Variants in MBNL1 observed in about 807,000 individuals in gnomAD.
The protein encoded by MBNL1 is muscleblind-like protein 1.
MBNL1 carries 8 observed loss-of-function variants against 42.2 expected under a neutral mutation model. The ratio of observed to expected loss-of-function variants is 0.19; its 90% CI spans 0.11 to 0.34. The LOEUF is 0.34. Among genes scored for constraint, MBNL1 ranks in the 10% least tolerant of loss-of-function variants. The pLI is 1.00. For synonymous variants in MBNL1, 169 were observed against 173.9 expected (o/e 0.97, Z 0.22); for missense variants, 309 against 495.3 (o/e 0.62, Z 3.57).
chr3:152,320,285 C>T (rs887297344), intron 2 of MBNL1, among the ~76,000 whole-genome samples: 11 of 152,222 alleles, frequency 7.2e-5, no homozygotes, highest in Admixed American at 6.5e-5. Context: ...TGTTTCTCTG[C>T]GGAGTCCAGC....
intron 2 of MBNL1, among the ~76,000 whole-genome samples, chr3:152,381,380 A>G (rs996228351): frequency 1.1e-4 from 17 of 152,036 alleles, no homozygotes; most frequent in Admixed American, 5.2e-4. Context: ...ACAAACAAAC[A>G]AACAAAAAAA....
intron 2 of MBNL1, among the ~76,000 whole-genome samples, chr3:152,385,446 A>C (rs2097370745): frequency 2.0e-5 from 3 of 152,048 alleles, no homozygotes; most frequent in Admixed American, 6.6e-5. Context: ...TAGACATTAG[A>C]TGTTAAAATC....
chr3:152,322,065 GTTT>G (rs35577420), intron 2 of MBNL1, among the ~76,000 whole-genome samples: 2 of 151,728 alleles, frequency 1.3e-5, no homozygotes, highest in Non-Finnish European at 2.9e-5. Context: ...TGAAAACAGA[GTTT>G]TTTTAACCAT....
At chr3:152,344,733 TAGAG>T (rs966492041) in intron 2 of MBNL1, among the ~76,000 whole-genome samples, 1 of 152,148 alleles carries the variant, frequency 6.6e-6, no homozygotes, top group African/African-American at 2.4e-5. Context: ...ATATTAAATG[TAGAG>T]AGAAATTATC....
At chr3:152,248,891 G>C (rs2033841915) in intron 2 of MBNL1, among the ~76,000 whole-genome samples, 1 of 151,824 alleles carries the variant, frequency 6.6e-6, no homozygotes, top group African/African-American at 2.4e-5. Flanking sequence ...TCTTGCGATA[G>C]TTTACTGAGA....
intron 2 of MBNL1, among the ~76,000 whole-genome samples, chr3:152,403,658 G>C (rs896688155): frequency 6.6e-6 from 1 of 152,094 alleles, no homozygotes; most frequent in African/African-American, 2.4e-5. Context: ...CTAGGTATGG[G>C]GGTGGAGTGC....
intron 7 of MBNL1, among the ~76,000 whole-genome samples, chr3:152,456,035 G>T (rs1309512018): frequency 6.6e-6 from 1 of 151,948 alleles, no homozygotes; most frequent in Non-Finnish European, 1.5e-5. Context: ...TGATTTGATG[G>T]TAACAAGCTT....
chr3:152,328,789 C>T (rs2152550739), intron 2 of MBNL1, among the ~76,000 whole-genome samples: 1 of 152,096 alleles, frequency 6.6e-6, no homozygotes, highest in Admixed American at 6.6e-5. Flanking sequence ...CTTTGAAGGT[C>T]AACATATGGA....
chr3:152,459,138 T>A, intron 8 of MBNL1, 133 bp from the exon 9 acceptor site: 1 of 467,242 alleles, frequency 2.1e-6, no homozygotes, highest in South Asian at 5.2e-5. Context: ...TACTGTTATG[T>A]TGACCAGATA....
chr3:152,249,062 G>T (rs1463222368), intron 2 of MBNL1, among the ~76,000 whole-genome samples: 2 of 149,322 alleles, frequency 1.3e-5, no homozygotes, highest in African/African-American at 5.0e-5. Flanking sequence ...ATTGTGAATA[G>T]TGCCACAATA....
intron 2 of MBNL1, among the ~76,000 whole-genome samples, chr3:152,247,997 A>C (rs374274160): frequency 6.6e-6 from 1 of 151,774 alleles, no homozygotes; most frequent in East Asian, 1.9e-4. Flanking sequence ...ATGAGCCTTT[A>C]GTTTTTTTTT....
intron 2 of MBNL1, among the ~76,000 whole-genome samples, chr3:152,342,826 C>T (rs1408594850): frequency 6.6e-6 from 1 of 152,074 alleles, no homozygotes; most frequent in Non-Finnish European, 1.5e-5. Flanking sequence ...AAACTAAAAA[C>T]AGTATCAGTT....
At chr3:152,443,753 A>C (rs189253249) in intron 4 of MBNL1, among the ~76,000 whole-genome samples, 2 of 152,284 alleles carry the variant, frequency 1.3e-5, no homozygotes, top group Non-Finnish European at 2.9e-5. Flanking sequence ...CTAATAAAAA[A>C]CCAGAATCTT....
intron 1 of MBNL1, among the ~76,000 whole-genome samples, chr3:152,279,882 C>A (rs772673196): frequency 1.3e-5 from 2 of 152,152 alleles, no homozygotes; most frequent in Non-Finnish European, 2.9e-5. Context: ...CTCTCTGTAA[C>A]TTTACATGTG....
intron 8 of MBNL1, among the ~76,000 whole-genome samples, chr3:152,457,450 C>T (rs745714029): frequency 5.3e-5 from 8 of 152,202 alleles, no homozygotes; most frequent in Non-Finnish European, 1.0e-4. Context: ...AGTAGCCACC[C>T]TTGTTCTATA....
chr3:152,284,168 A>G (rs2050196541), intron 1 of MBNL1, among the ~76,000 whole-genome samples: 1 of 152,118 alleles, frequency 6.6e-6, no homozygotes, highest in African/African-American at 2.4e-5. Context: ...TCATTTAATA[A>G]AGTTACTGTT....
At chr3:152,416,037 C>T (rs2098696552) in intron 3 of MBNL1, among the ~76,000 whole-genome samples, 1 of 152,110 alleles carries the variant, frequency 6.6e-6, no homozygotes, top group South Asian at 2.1e-4. Context: ...AGCTTATATG[C>T]AGTATCGTGG....
chr3:152,421,707 A>C (rs1051865287), intron 3 of MBNL1, among the ~76,000 whole-genome samples: 36 of 152,154 alleles, frequency 2.4e-4, no homozygotes, highest in Admixed American at 2.2e-3. Context: ...AGGTCAGGTT[A>C]CCCACAAAGG....
rs1749221765 is a variant in MBNL1, at chr3:152,464,307, ATTGTT to A, written c.*1942_*1946del. ...CATGTAGTGTCACATGAATATTCGT[ATTGTT>A]AACTAAATGATTTATATTTTACTGA... is the stretch of plus-strand genomic sequence containing the variant. On this transcript the variant is annotated 3_prime_UTR_variant, in exon 10 of 10. Transcript: ENST00000324210. 1 of 152,650 alleles carries A rather than the reference ATTGTT, an allele frequency of 6.6e-6. No individual in the cohort carries two copies. The highest frequency in any genetic ancestry group is 2.4e-5 in the African/African-American group (1 of 41,574). 9.5% of individuals were successfully genotyped at this position (152,650 alleles called of 1,614,324 possible). A position where few individuals can be genotyped will look rare whatever the true frequency, so the allele number is the denominator to read the frequency against.
Sources: allele counts gnomAD v4.1 joint callset (sites outside exome capture counted in the v4.1 genomes callset), GRCh38; gene constraint gnomAD v4.1.1; transcripts MANE v1.5; gene names NCBI Gene and HGNC (gene_info 2026-07-23, HGNC 2026-07-21).